ABCC4: variants seen among roughly 807,000 people sequenced by gnomAD.
ABCC4 encodes the protein ATP-binding cassette sub-family C member 4.
Under a neutral mutation model 168.5 loss-of-function variants are expected in ABCC4, and 102 were observed. The ratio of observed to expected loss-of-function variants is 0.61; its 90% CI spans 0.52 to 0.71. The LOEUF (loss-of-function observed/expected upper bound fraction) is 0.71. Ranked by LOEUF, ABCC4 falls within the 30% of genes least tolerant of loss-of-function variation. ABCC4 has a pLI of 0.00. For synonymous variants in ABCC4, 617 were observed against 590.7 expected (o/e 1.04, Z -0.65); for missense variants, 1,402 against 1,605.8 (o/e 0.87, Z 2.17).
chr13:95,273,179 C>T (rs1830094173), intron 1 of ABCC4, among the ~76,000 whole-genome samples: 2 of 152,210 alleles, frequency 1.3e-5, no homozygotes, highest in Admixed American at 6.5e-5. Flanking sequence ...CCTGAAACTT[C>T]CAAACCTTTT....
intron 3 of ABCC4, among the ~76,000 whole-genome samples, chr13:95,243,245 A>C (rs2039993646): frequency 6.6e-6 from 1 of 152,190 alleles, no homozygotes; most frequent in South Asian, 2.1e-4. Flanking sequence ...ATACCAGGAC[A>C]GAAGAGCTGT....
chr13:95,278,711 C>G (rs2041033360), intron 1 of ABCC4, among the ~76,000 whole-genome samples: 1 of 148,446 alleles, frequency 6.7e-6, no homozygotes, highest in Non-Finnish European at 1.5e-5. Flanking sequence ...GTGGGAGGAT[C>G]ACCTGAGCCC....
chr13:95,239,149 G>C (rs774340312), intron 3 of ABCC4, among the ~76,000 whole-genome samples: 1 of 136,686 alleles, frequency 7.3e-6, no homozygotes, highest in Non-Finnish European at 1.5e-5. Flanking sequence ...TCTACCCTAA[G>C]GACAATGTAA....
intron 19 of ABCC4, among the ~76,000 whole-genome samples, chr13:95,131,330 C>T (rs1481749615): frequency 6.6e-6 from 1 of 152,052 alleles, no homozygotes; most frequent in African/African-American, 2.4e-5. Flanking sequence ...GCCTTGTTTT[C>T]AGGGAAGAGT....
chr13:95,065,652 T>C (rs1678387), intron 25 of ABCC4, among the ~76,000 whole-genome samples: 142,230 of 152,244 alleles, frequency 0.93, 66,540 homozygotes, highest in Non-Finnish European at 0.96. Flanking sequence ...TTGCAAGCAA[T>C]CTTAATTGGT....
chr13:95,040,634 TG>T (rs1165072598), intron 29 of ABCC4, among the ~76,000 whole-genome samples: 1 of 152,246 alleles, frequency 6.6e-6, no homozygotes, highest in Non-Finnish European at 1.5e-5. Flanking sequence ...TTTCCTCTTC[TG>T]AAATGTTCTA....
At chr13:95,191,733 G>A (rs879328591) in intron 9 of ABCC4, among the ~76,000 whole-genome samples, 4 of 152,130 alleles carry the variant, frequency 2.6e-5, no homozygotes, top group Admixed American at 1.3e-4. Flanking sequence ...AAACACAACC[G>A]GTCAACCTGT....
Position 95,209,516 on chromosome 13 carries a change from T to A in ABCC4, c.703A>T (p.Ile235Leu), listed in dbSNP as rs775756436. Residue 235 changes from isoleucine to leucine, a missense_variant, in exon 6 of 31, where the codon ATA becomes TTA. By Grantham distance (5) the Ile-to-Leu change is conservative (BLOSUM62 2). This residue lies in a region of ABCC4 where 317 missense variants were observed against 345.5 expected (regional missense o/e 0.92). Coordinates refer to ENST00000645237, the MANE Select transcript of ABCC4 (RefSeq NM_005845.5). ...VTALLWMEIG[I>L]SCLAGMAVLI... ...ACTGCCATCCCAGCAAGGCACGATA[T>A]TCCTATCTCCATCCAGAGTAGGGCA... 15 of 1,614,074 alleles carry A rather than the reference T, an allele frequency of 9.3e-6. No individual in the cohort carries two copies. The East Asian group carries it at 3.3e-4, about 36-fold the overall frequency.
intron 30 of ABCC4, among the ~76,000 whole-genome samples, chr13:95,032,478 G>T (rs147404227): frequency 8.6e-4 from 131 of 152,290 alleles, no homozygotes; most frequent in African/African-American, 2.7e-3. Context: ...GCACACAAAG[G>T]CATTTATAGA....
intron 15 of ABCC4, 57 bp downstream of exon 15, chr13:95,166,101 A>G (rs941885376): frequency 2.1e-6 from 3 of 1,450,438 alleles, no homozygotes; most frequent in Admixed American, 1.7e-5. Context: ...CCAAAGATCC[A>G]TAAGGCCATT....
chr13:95,290,897 T>C (rs1306063558), intron 1 of ABCC4, among the ~76,000 whole-genome samples: 1 of 146,882 alleles, frequency 6.8e-6, no homozygotes, highest in Non-Finnish European at 1.5e-5. Context: ...CTCGGGAGGC[T>C]GAGACAGGAG....
intron 1 of ABCC4, among the ~76,000 whole-genome samples, chr13:95,275,383 C>T (rs1410233377): frequency 6.6e-6 from 1 of 152,190 alleles, no homozygotes; most frequent in African/African-American, 2.4e-5. Flanking sequence ...TTTAAGTTCA[C>T]ATTTCTGGTA....
intron 1 of ABCC4, chr13:95,265,949 C>A (rs2040660753): frequency 6.6e-6 from 1 of 152,152 alleles, no homozygotes; most frequent in African/African-American, 2.4e-5. Flanking sequence ...GTATCTGTCC[C>A]CCCCAGTCGC....
intron 6 of ABCC4, among the ~76,000 whole-genome samples, chr13:95,208,808 C>T (rs374604335): frequency 5.3e-5 from 8 of 151,768 alleles, no homozygotes; most frequent in Non-Finnish European, 1.0e-4. Context: ...TTAGTAGAGA[C>T]GGAGTTTTGT....
At chr13:95,286,247 G>A (rs1414008627) in intron 1 of ABCC4, among the ~76,000 whole-genome samples, 1 of 149,562 alleles carries the variant, frequency 6.7e-6, no homozygotes, top group Non-Finnish European at 1.5e-5. Flanking sequence ...AGCCTCCCCA[G>A]AAGCTGGGAT....
At position 95,026,888 on chromosome 13, in the gene ABCC4, C is replaced by CA. The variant is rs35654581; in HGVS notation, c.3871-5207dup. ...TGGACAACAGAGCAAGACCCTGTCTCAAAAAAAAAAAAGAAAAAGAAAGAA... is the reference window on the plus strand; with the variant it reads ...TGGACAACAGAGCAAGACCCTGTCTCAAAAAAAAAAAAAGAAAAAGAAAGAA... On this transcript the variant is annotated intron_variant, in intron 30 of 30. Coordinates refer to ENST00000645237, the MANE Select transcript of ABCC4 (RefSeq NM_005845.5). 8.1e-3 allele frequency among the ~76,000 whole-genome samples: 1,155 copies of CA among 142,630 alleles called. 15 individuals carry two copies. The highest frequency in any genetic ancestry group is 0.024 in the African/African-American group (939 of 38,684). 93.6% of individuals were successfully genotyped at this position (142,630 alleles called of 152,430 possible).
chr13:95,206,451 G>T (rs1009221572), intron 8 of ABCC4, 81 bp downstream of exon 8: 2 of 1,550,070 alleles, frequency 1.3e-6, no homozygotes, highest in African/African-American at 1.4e-5. Flanking sequence ...CATTACACTG[G>T]AACATAGTGA....
At chr13:95,108,732 A>C (rs1218862514) in intron 20 of ABCC4, among the ~76,000 whole-genome samples, 1 of 151,480 alleles carries the variant, frequency 6.6e-6, no homozygotes, top group Non-Finnish European at 1.5e-5. Flanking sequence ...ACCCAAGTTC[A>C]AGTGATTCTC....
chr13:95,269,747 A>G (rs1309237625), intron 1 of ABCC4, among the ~76,000 whole-genome samples: 1 of 152,230 alleles, frequency 6.6e-6, no homozygotes, highest in Non-Finnish European at 1.5e-5. Flanking sequence ...GGATAATTTA[A>G]CAGTGTATAT....
Sources: gnomAD v4.1 joint callset for allele counts (sites outside exome capture counted in the v4.1 genomes callset) on GRCh38, gnomAD v4.1.1 for gene constraint, gnomAD v4.1.1 regional missense constraint, MANE v1.5 for transcripts, NCBI Gene and HGNC (gene_info 2026-07-23, HGNC 2026-07-21) for gene names.